DIAPH2: variants seen among roughly 807,000 people sequenced by gnomAD.
The protein encoded by DIAPH2 is diaphanous related formin 2.
Under a neutral mutation model 92.7 loss-of-function variants are expected in DIAPH2, and 35 were observed. The ratio of observed to expected loss-of-function variants is 0.38; its 90% CI spans 0.29 to 0.50. The LOEUF is 0.50. Among genes scored for constraint, DIAPH2 ranks in the 20% least tolerant of loss-of-function variants. The pLI, the probability that DIAPH2 is intolerant of heterozygous loss-of-function variation, is 0.94. For synonymous variants in DIAPH2, 301 were observed against 280.4 expected (o/e 1.07, Z -0.73); for missense variants, 701 against 819.5 (o/e 0.86, Z 1.77).
At chrX:97,549,026 A>G (rs976174047) in intron 26 of DIAPH2, among the ~76,000 whole-genome samples, 5 of 112,674 alleles carry the variant, frequency 4.4e-5, no homozygotes, top group African/African-American at 6.4e-5. Flanking sequence ...TGCTGATAAA[A>G]TATTTTATCA....
At chrX:97,421,580 C>G (rs940185326) in intron 25 of DIAPH2, among the ~76,000 whole-genome samples, 1 of 112,004 alleles carries the variant, frequency 8.9e-6, no homozygotes, top group South Asian at 3.7e-4. Flanking sequence ...TTTTGCGTTT[C>G]TATTTATTCT....
At chrX:96,992,852 G>A (rs916380774) in intron 17 of DIAPH2, among the ~76,000 whole-genome samples, 1 of 111,651 alleles carries the variant, frequency 9.0e-6, no homozygotes, top group Non-Finnish European at 1.9e-5. Flanking sequence ...TCTTTAAGTG[G>A]GGAATCAGTA....
chrX:96,881,418 T>A (rs986271271), intron 4 of DIAPH2, among the ~76,000 whole-genome samples, 161 bp from the exon 5 acceptor site: 1 of 111,414 alleles, frequency 9.0e-6, no homozygotes, highest in Admixed American at 9.6e-5. Flanking sequence ...TGTTGAGATA[T>A]ATACAACACA....
intron 17 of DIAPH2, among the ~76,000 whole-genome samples, chrX:96,981,888 G>C (rs980720682): frequency 9.0e-6 from 1 of 111,260 alleles, no homozygotes; most frequent in African/African-American, 3.3e-5. Flanking sequence ...AAGGGTAAGG[G>C]TATTAATACA....
In DIAPH2 at chrX:97,600,659, C is replaced by G. The variant is rs1352421460; in HGVS notation, c.*1342C>G. 8.0e-5 allele frequency: 9 copies of G among 112,309 alleles called. No individual in the cohort carries two copies. The highest frequency in any genetic ancestry group is 1.7e-4 in the Non-Finnish European group (9 of 53,154). 9.3% of individuals were successfully genotyped at this position (112,309 alleles called of 1,213,427 possible). On this transcript the variant is annotated 3_prime_UTR_variant, in exon 27 of 27. Transcript: ENST00000324765. Reference sequence around the variant, plus strand: ...ATTGAAATAATGTGGTATAACTTCTCTGGAGTGCAATTTTAAGTCTAATTC... The same window carrying G: ...ATTGAAATAATGTGGTATAACTTCTGTGGAGTGCAATTTTAAGTCTAATTC...
At chrX:96,876,114 C>T (rs1355450023) in intron 4 of DIAPH2, among the ~76,000 whole-genome samples, 47 of 112,134 alleles carry the variant, frequency 4.2e-4, no homozygotes, top group Non-Finnish European at 7.9e-4. Context: ...TGAACAGACA[C>T]TTCTCAAAAG....
intron 26 of DIAPH2, chrX:97,469,748 C>T: frequency 6.6e-6 from 8 of 1,204,737 alleles, no homozygotes; most frequent in Non-Finnish European, 9.0e-6. Flanking sequence ...ACATAAACGG[C>T]CTGAGTGCTG....
At chrX:97,305,824 C>CAAAAAAAAA (rs754094514) in intron 23 of DIAPH2, among the ~76,000 whole-genome samples, 6 of 49,198 alleles carry the variant, frequency 1.2e-4, no homozygotes, top group African/African-American at 1.5e-4. Flanking sequence ...ACTCCTTCTC[C>CAAAAAAAAA]AAAAAAAAAA....
At chrX:97,538,836 A>T (rs769186235) in intron 26 of DIAPH2, among the ~76,000 whole-genome samples, 1 of 112,335 alleles carries the variant, frequency 8.9e-6, no homozygotes, top group African/African-American at 3.2e-5. Flanking sequence ...GTTGATTTCT[A>T]TCTAAGTAGA....
At chrX:97,334,993 CAAAACA>C (rs1317276671) in intron 23 of DIAPH2, among the ~76,000 whole-genome samples, 4 of 6,631 alleles carry the variant, frequency 6.0e-4, no homozygotes, top group Non-Finnish European at 9.2e-4. Flanking sequence ...AAAACAAAAA[CAAAACA>C]AAAAAAAAAA....
intron 19 of DIAPH2, among the ~76,000 whole-genome samples, chrX:97,088,182 A>G (rs145217624): frequency 1.8e-3 from 202 of 112,099 alleles, no homozygotes; most frequent in African/African-American, 6.3e-3. Flanking sequence ...GATTTTGAAT[A>G]ATCTGTGCAT....
intron 3 of DIAPH2, among the ~76,000 whole-genome samples, chrX:96,757,767 G>A (rs1466130100): frequency 9.0e-6 from 1 of 111,713 alleles, no homozygotes; most frequent in African/African-American, 3.3e-5. Flanking sequence ...AGGTAATAAT[G>A]ATCCTAAGGG....
At chrX:97,003,059 G>A (rs1466729450) in intron 17 of DIAPH2, among the ~76,000 whole-genome samples, 3 of 110,926 alleles carry the variant, frequency 2.7e-5, no homozygotes, top group African/African-American at 9.8e-5. Flanking sequence ...CTCTTTCTGT[G>A]CCTGGCTTAT....
intron 4 of DIAPH2, among the ~76,000 whole-genome samples, chrX:96,843,792 G>A (rs961967660): frequency 8.9e-6 from 1 of 111,860 alleles, no homozygotes; most frequent in African/African-American, 3.2e-5. Context: ...CATGCTGGTG[G>A]AAGATTATCC....
intron 26 of DIAPH2, among the ~76,000 whole-genome samples, chrX:97,548,582 A>G (rs1312878983): frequency 8.9e-6 from 1 of 112,284 alleles, no homozygotes; most frequent in Non-Finnish European, 1.9e-5. Flanking sequence ...TGGGCACTGG[A>G]GATTAAATAC....
chrX:97,595,527 G>T (rs1396429549), intron 26 of DIAPH2, among the ~76,000 whole-genome samples: 1 of 110,948 alleles, frequency 9.0e-6, no homozygotes, highest in Non-Finnish European at 1.9e-5. Context: ...CTTTTGTTTT[G>T]GCCACGCTTT....
At chrX:97,336,823 AAG>A (rs753161973) in intron 23 of DIAPH2, among the ~76,000 whole-genome samples, 1 of 111,972 alleles carries the variant, frequency 8.9e-6, no homozygotes, top group East Asian at 2.8e-4. Context: ...CATAAAAGAC[AAG>A]AGAGTGAATA....
intron 25 of DIAPH2, among the ~76,000 whole-genome samples, chrX:97,423,217 G>T (rs1204015294): frequency 9.0e-6 from 1 of 111,143 alleles, no homozygotes. Flanking sequence ...AAATGAACCT[G>T]TCGTCTTCTC....
At chrX:97,085,415 T>TTTTG (rs771247999) in intron 19 of DIAPH2, among the ~76,000 whole-genome samples, 3 of 110,732 alleles carry the variant, frequency 2.7e-5, no homozygotes, top group Non-Finnish European at 5.7e-5. Context: ...GTAGAATAAT[T>TTTTG]TTTGTTTGTT....
Sources: allele counts gnomAD v4.1 joint callset (sites outside exome capture counted in the v4.1 genomes callset), GRCh38; gene constraint gnomAD v4.1.1; transcripts MANE v1.5; gene names NCBI Gene and HGNC (gene_info 2026-07-23, HGNC 2026-07-21).